SPAG16: variants seen among roughly 807,000 people sequenced by gnomAD.
SPAG16 encodes sperm associated antigen 16.
Under a neutral mutation model 80.4 loss-of-function variants are expected in SPAG16, and 86 were observed. That is an observed-to-expected ratio of 1.07 (90% CI 0.90 to 1.28). The LOEUF (loss-of-function observed/expected upper bound fraction) is 1.28, where lower values mean the gene tolerates loss of function less well. SPAG16 is among the 50% of genes most tolerant of loss of function. The pLI, the probability that SPAG16 is intolerant of heterozygous loss-of-function variation, is 0.00. For missense variants in SPAG16, 870 were observed against 765.3 expected (o/e 1.14, Z -1.61); for synonymous variants, 294 against 265.9 (o/e 1.11, Z -1.03).
chr2:213,775,109 C>T (rs2069492381), intron 10 of SPAG16, among the ~76,000 whole-genome samples: 1 of 152,318 alleles, frequency 6.6e-6, no homozygotes. Context: ...TGACGACTTG[C>T]TCCTTTTCCT....
intron 10 of SPAG16, among the ~76,000 whole-genome samples, chr2:213,662,172 G>A (rs1156763714): frequency 1.3e-5 from 2 of 151,980 alleles, no homozygotes; most frequent in South Asian, 4.2e-4. Flanking sequence ...GGGGTGAGGG[G>A]GAGGGGAAAG....
At chr2:214,291,532 C>G (rs898423316) in intron 15 of SPAG16, among the ~76,000 whole-genome samples, 2 of 151,622 alleles carry the variant, frequency 1.3e-5, no homozygotes, top group African/African-American at 4.8e-5. Context: ...GTCTCGATCT[C>G]CTGACCTCGT....
intron 15 of SPAG16, among the ~76,000 whole-genome samples, chr2:214,313,462 G>A (rs1320682397): frequency 1.3e-5 from 2 of 151,998 alleles, no homozygotes; most frequent in Non-Finnish European, 2.9e-5. Flanking sequence ...ATTTATCTAA[G>A]CTGCCATTTC....
chr2:213,548,620 A>C (rs912346017), intron 10 of SPAG16, among the ~76,000 whole-genome samples: 1 of 152,170 alleles, frequency 6.6e-6, no homozygotes, highest in Non-Finnish European at 1.5e-5. Flanking sequence ...GAGATTGAGA[A>C]TGATTTTAAA....
chr2:213,987,602 C>G (rs1417727189), intron 12 of SPAG16, among the ~76,000 whole-genome samples: 1 of 151,896 alleles, frequency 6.6e-6, no homozygotes, highest in Non-Finnish European at 1.5e-5. Context: ...AGCCTAGAAT[C>G]CTAAACTCGG....
chr2:213,818,816 G>C (rs2072740669), intron 10 of SPAG16, among the ~76,000 whole-genome samples: 1 of 152,050 alleles, frequency 6.6e-6, no homozygotes, highest in Non-Finnish European at 1.5e-5. Context: ...TTTAAAAGTG[G>C]CAGTTTCCCC....
intron 9 of SPAG16, among the ~76,000 whole-genome samples, chr2:213,406,979 A>G (rs900187103): frequency 6.6e-6 from 1 of 150,938 alleles, no homozygotes; most frequent in African/African-American, 2.4e-5. Context: ...CTGGCCAGCA[A>G]CCTAGCTTAA....
At chr2:213,573,781 T>C (rs2060013888) in intron 10 of SPAG16, among the ~76,000 whole-genome samples, 3 of 152,220 alleles carry the variant, frequency 2.0e-5, no homozygotes, top group African/African-American at 7.2e-5. Context: ...AACAAAGATT[T>C]GATAATTTTC....
intron 15 of SPAG16, among the ~76,000 whole-genome samples, chr2:214,198,041 T>C (rs1375893125): frequency 6.6e-6 from 1 of 152,042 alleles, no homozygotes; most frequent in Non-Finnish European, 1.5e-5. Flanking sequence ...AGATAACTTG[T>C]TTTCACTTTA....
chr2:213,448,724 C>A (rs1326809895), intron 9 of SPAG16, among the ~76,000 whole-genome samples: 1 of 152,064 alleles, frequency 6.6e-6, no homozygotes, highest in Non-Finnish European at 1.5e-5. Context: ...CCAAATAATA[C>A]CTTTATAATT....
intron 14 of SPAG16, among the ~76,000 whole-genome samples, chr2:214,111,462 A>G (rs1015368280): frequency 1.1e-4 from 17 of 152,114 alleles, no homozygotes; most frequent in Non-Finnish European, 2.2e-4. Flanking sequence ...GTTATTTCTG[A>G]GGGCTCTGTT....
intron 10 of SPAG16, among the ~76,000 whole-genome samples, chr2:213,573,174 G>A (rs1180886980): frequency 6.6e-6 from 1 of 151,870 alleles, no homozygotes; most frequent in Non-Finnish European, 1.5e-5. Flanking sequence ...TACCTCAGAT[G>A]GAAATGCAGA....
intron 15 of SPAG16, among the ~76,000 whole-genome samples, chr2:214,360,642 A>C (rs895030692): frequency 6.6e-6 from 1 of 151,930 alleles, no homozygotes; most frequent in Non-Finnish European, 1.5e-5. Context: ...AAATCACTTT[A>C]GTATAATAGT....
intron 9 of SPAG16, among the ~76,000 whole-genome samples, chr2:213,378,210 G>GGGTC (rs2066991947): frequency 6.6e-6 from 1 of 152,024 alleles, no homozygotes; most frequent in African/African-American, 2.4e-5. Flanking sequence ...GATTAAGGGT[G>GGGTC]GGTCTGTCTT....
At chr2:213,928,465 G>A (rs2078594944) in intron 11 of SPAG16, among the ~76,000 whole-genome samples, 1 of 152,018 alleles carries the variant, frequency 6.6e-6, no homozygotes, top group South Asian at 2.1e-4. Context: ...GAAACTTCAA[G>A]CTCTTTCTCT....
intron 10 of SPAG16, among the ~76,000 whole-genome samples, chr2:213,656,895 C>T (rs958896909): frequency 6.6e-6 from 1 of 152,056 alleles, no homozygotes; most frequent in Admixed American, 6.6e-5. Context: ...GAATCTGTTC[C>T]ATATCAAAGA....
At chr2:213,823,526 A>C (rs565547876) in intron 10 of SPAG16, among the ~76,000 whole-genome samples, 19 of 151,858 alleles carry the variant, frequency 1.3e-4, no homozygotes, top group Non-Finnish European at 2.5e-4. Flanking sequence ...ATGCCCGACT[A>C]ATTTTGTATT....
intron 10 of SPAG16, among the ~76,000 whole-genome samples, chr2:213,696,439 A>G (rs940061605): frequency 2.0e-5 from 3 of 152,126 alleles, no homozygotes; most frequent in African/African-American, 7.2e-5. Flanking sequence ...TAAGTGAGAT[A>G]ATCTAGGGAG....
intron 10 of SPAG16, among the ~76,000 whole-genome samples, chr2:213,757,642 G>A (rs1279311634): frequency 1.3e-5 from 2 of 152,174 alleles, no homozygotes; most frequent in East Asian, 1.9e-4. Flanking sequence ...CTTGCATGGC[G>A]AATTATGATT....
Sources: gnomAD v4.1 joint callset for allele counts (sites outside exome capture counted in the v4.1 genomes callset) on GRCh38, gnomAD v4.1.1 for gene constraint, MANE v1.5 for transcripts, NCBI Gene and HGNC (gene_info 2026-07-23, HGNC 2026-07-21) for gene names.